INPP4B: variants seen among roughly 807,000 people sequenced by gnomAD.
INPP4B encodes the protein inositol polyphosphate-4-phosphatase type II B, also known as inositol polyphosphate 4-phosphatase type II.
A neutral mutation model predicts 122.5 loss-of-function variants in INPP4B; 55 were observed. The observed-to-expected ratio is 0.45, with a 90% confidence interval of 0.36 to 0.56. INPP4B has a LOEUF of 0.56. Among genes scored for constraint, INPP4B ranks in the 20% least tolerant of loss-of-function variants. INPP4B has a pLI of 0.00. For missense variants in INPP4B, 1,000 were observed against 1,097.7 expected (o/e 0.91, Z 1.26); for synonymous variants, 403 against 388.7 (o/e 1.04, Z -0.43).
At chr4:142,835,476 A>G (rs1023993291) in intron 1 of INPP4B, among the ~76,000 whole-genome samples, 2 of 152,078 alleles carry the variant, frequency 1.3e-5, no homozygotes, top group African/African-American at 4.8e-5. Flanking sequence ...ATACGTATGA[A>G]AAAAATTCTG....
At chr4:142,631,562 G>A (rs1747960076) in intron 2 of INPP4B, among the ~76,000 whole-genome samples, 1 of 151,908 alleles carries the variant, frequency 6.6e-6, no homozygotes, top group African/African-American at 2.4e-5. Flanking sequence ...AATTTATTGA[G>A]GACATTAAGC....
chr4:142,041,603 A>C (rs1037675690), intron 25 of INPP4B, among the ~76,000 whole-genome samples: 1 of 151,806 alleles, frequency 6.6e-6, no homozygotes, highest in Non-Finnish European at 1.5e-5. Context: ...GGGCAACAAG[A>C]GCAAAACTCC....
At chr4:142,839,966 C>A (rs535575251) in intron 1 of INPP4B, among the ~76,000 whole-genome samples, 6 of 152,192 alleles carry the variant, frequency 3.9e-5, no homozygotes, top group Non-Finnish European at 8.8e-5. Flanking sequence ...CAACCAGACA[C>A]TTAAACAATA....
At chr4:142,705,721 T>C (rs886135052) in intron 2 of INPP4B, among the ~76,000 whole-genome samples, 2 of 152,194 alleles carry the variant, frequency 1.3e-5, no homozygotes, top group African/African-American at 4.8e-5. Context: ...CATCTCTTCA[T>C]CTTTACAGCT....
intron 3 of INPP4B, among the ~76,000 whole-genome samples, chr4:142,457,994 A>G (rs935095364): frequency 6.6e-6 from 1 of 152,212 alleles, no homozygotes; most frequent in African/African-American, 2.4e-5. Context: ...ATCTTTGATT[A>G]CTCAAAAACC....
intron 1 of INPP4B, among the ~76,000 whole-genome samples, chr4:142,815,504 T>C (rs1251703804): frequency 6.6e-6 from 1 of 152,144 alleles, no homozygotes; most frequent in African/African-American, 2.4e-5. Context: ...CTAATATAAC[T>C]CTATTGTGCC....
chr4:142,759,275 A>C (rs1770948266), intron 1 of INPP4B, among the ~76,000 whole-genome samples: 1 of 152,186 alleles, frequency 6.6e-6, no homozygotes, highest in Non-Finnish European at 1.5e-5. Context: ...TTTTGTATTC[A>C]AGATCAATGA....
At chr4:142,253,884 G>T (rs1363285900) in intron 11 of INPP4B, among the ~76,000 whole-genome samples, 2 of 152,158 alleles carry the variant, frequency 1.3e-5, no homozygotes, top group Non-Finnish European at 2.9e-5. Context: ...GCCTCTGTAG[G>T]CTCCACCTCT....
At chr4:142,071,345 T>C (rs899645694) in intron 25 of INPP4B, among the ~76,000 whole-genome samples, 4 of 152,086 alleles carry the variant, frequency 2.6e-5, no homozygotes, top group African/African-American at 9.7e-5. Flanking sequence ...TCAAGATGGA[T>C]TAAAGACTTA....
intron 14 of INPP4B, among the ~76,000 whole-genome samples, chr4:142,203,615 A>G (rs1841557771): frequency 6.6e-6 from 1 of 152,084 alleles, no homozygotes; most frequent in Non-Finnish European, 1.5e-5. Context: ...AATAAGGATG[A>G]AAAACTTAAC....
At chr4:142,679,358 T>C (rs1758262192) in intron 2 of INPP4B, among the ~76,000 whole-genome samples, 1 of 151,826 alleles carries the variant, frequency 6.6e-6, no homozygotes, top group Admixed American at 6.6e-5. Flanking sequence ...TTCTTGGAAA[T>C]AGTGAGGGTA....
chr4:142,399,684 G>T (rs77556273), intron 7 of INPP4B, among the ~76,000 whole-genome samples: 1,893 of 152,168 alleles, frequency 0.012, 37 homozygotes, highest in African/African-American at 0.043. Context: ...TACGAACTAG[G>T]GTTCTCATAG....
chr4:142,186,087 A>G (rs1833083390), intron 15 of INPP4B, among the ~76,000 whole-genome samples: 1 of 152,118 alleles, frequency 6.6e-6, no homozygotes, highest in Non-Finnish European at 1.5e-5. Flanking sequence ...GTTAAATCCA[A>G]TCAATAAAAT....
intron 25 of INPP4B, among the ~76,000 whole-genome samples, chr4:142,059,524 T>A (rs973024286): frequency 6.6e-6 from 1 of 152,162 alleles, no homozygotes; most frequent in East Asian, 1.9e-4. Context: ...CATATATGCA[T>A]CTTCAATGCA....
At chr4:142,430,866 G>A (rs1355303999) in intron 4 of INPP4B, among the ~76,000 whole-genome samples, 2 of 151,920 alleles carry the variant, frequency 1.3e-5, no homozygotes, top group Non-Finnish European at 2.9e-5. Flanking sequence ...GTGTCTAGAA[G>A]GTATACTTAA....
chr4:142,280,029 T>C (rs1750445491), intron 9 of INPP4B, among the ~76,000 whole-genome samples: 1 of 151,852 alleles, frequency 6.6e-6, no homozygotes, highest in Non-Finnish European at 1.5e-5. Flanking sequence ...TAAGTTTTAA[T>C]TAAAATTAAA....
At chr4:142,627,639 G>C (rs1746777258) in intron 2 of INPP4B, among the ~76,000 whole-genome samples, 1 of 147,342 alleles carries the variant, frequency 6.8e-6, no homozygotes, top group Non-Finnish European at 1.5e-5. Context: ...TTGATGTGCT[G>C]CTGGATTCGG....
At chr4:142,729,071 T>C (rs1026829340) in intron 1 of INPP4B, among the ~76,000 whole-genome samples, 3 of 152,172 alleles carry the variant, frequency 2.0e-5, no homozygotes, top group Non-Finnish European at 2.9e-5. Flanking sequence ...CCTCAGATCA[T>C]CAGGTATTAG....
At chr4:142,165,890 C>T (rs997965960) in intron 16 of INPP4B, among the ~76,000 whole-genome samples, 3 of 151,816 alleles carry the variant, frequency 2.0e-5, no homozygotes, top group Middle Eastern at 3.4e-3. Flanking sequence ...TTTTTATCCT[C>T]GGCCTTTTTG....
Sources: gnomAD v4.1 joint callset for allele counts (sites outside exome capture counted in the v4.1 genomes callset) on GRCh38, gnomAD v4.1.1 for gene constraint, MANE v1.5 for transcripts, NCBI Gene and HGNC (gene_info 2026-07-23, HGNC 2026-07-21) for gene names.